The following CAPN1 variants were observed in gnomAD, a reference collection of about 807,000 sequenced individuals.
CAPN1 encodes the protein calpain-1 catalytic subunit.
In CAPN1, 77 loss-of-function variants were observed where a neutral mutation model predicts 105.2. That is an observed-to-expected ratio of 0.73 (90% CI 0.61 to 0.88). CAPN1 has a LOEUF of 0.88. CAPN1 is among the 40% of genes least tolerant of loss of function. The pLI, the probability that CAPN1 is intolerant of heterozygous loss-of-function variation, is 0.00. For missense variants in CAPN1, 833 were observed against 976.6 expected (o/e 0.85, Z 1.96); for synonymous variants, 355 against 388.8 (o/e 0.91, Z 1.02).
rs1455042373 is a variant in CAPN1, at chr11:65,183,486, T to C, written c.350T>C (p.Leu117Pro). ...CCTCCTGCCCCAGGGGACTGCTGGC[T>C]CTTGGCGGCCATCGCCTCCCTCACT... ...ICQGALGDCW[L>P]LAAIASLTLN... The change falls in exon 4 of 22, where the codon CTC (leucine) becomes CCC (proline). Residue 117 changes from leucine to proline, a missense_variant. Physicochemically the swap from Leu to Pro is moderately conservative, Grantham distance 98. Transcript: ENST00000279247. 6.2e-7 allele frequency: 1 copy of C among 1,613,282 alleles called. No individual in the cohort carries two copies. The highest frequency in any genetic ancestry group is 8.5e-7 in the Non-Finnish European group (1 of 1,179,300).
chr11:65,211,480 C>T lies in CAPN1; in HGVS notation c.*194C>T. Reference sequence around the variant, plus strand: ...CCGGGCAGAACTGTGTGGCCCCTGCCTGTGCCAGCCATGGGCTCGGGATGG... The same window carrying T: ...CCGGGCAGAACTGTGTGGCCCCTGCTTGTGCCAGCCATGGGCTCGGGATGG... On this transcript the variant is annotated 3_prime_UTR_variant, in exon 22 of 22. Transcript: ENST00000279247. 1 of 613,360 alleles carries T rather than the reference C, an allele frequency of 1.6e-6. No individual in the cohort carries two copies. The highest frequency in any genetic ancestry group is 2.9e-6 in the Non-Finnish European group (1 of 339,402). The allele number at this position is 613,360 out of a possible 1,614,324, so 38.0% of individuals were successfully genotyped here. A position where few individuals can be genotyped will look rare whatever the true frequency, so the allele number is the denominator to read the frequency against.
At position 65,188,696 on chromosome 11, in the gene CAPN1, A is replaced by C; in HGVS notation, c.1115A>C (p.Glu372Ala). The C allele has an allele frequency of 6.2e-7, 1 of 1,611,252 alleles. No individual in the cohort carries two copies. The highest frequency in any genetic ancestry group is 8.5e-7 in the Non-Finnish European group (1 of 1,178,706). Residue 372 changes from glutamate to alanine, a missense_variant, in exon 10 of 22, where the codon GAA becomes GCA. By Grantham distance (107) the Glu-to-Ala change is moderately radical (BLOSUM62 -1). Transcript: ENST00000279247. This position sits in a 1 kb window ranked among gnomAD's most constrained non-coding sequence, Gnocchi z 5.5. ...CGCAAATGGAACACCACACTCTACGAAGGCACCTGGCGGCGGGGGAGCACC... is the reference window on the plus strand; with the variant it reads ...CGCAAATGGAACACCACACTCTACGCAGGCACCTGGCGGCGGGGGAGCACC... ...TIRKWNTTLY[E>A]GTWRRGSTAG...
chr11:65,201,974 C>A (rs974522339), intron 10 of CAPN1, among the ~76,000 whole-genome samples: 1 of 151,966 alleles, frequency 6.6e-6, no homozygotes, highest in Non-Finnish European at 1.5e-5. Context: ...AGGTGCCCAC[C>A]ACCATGCCTG....
intron 12 of CAPN1, chr11:65,206,136 A>C (rs1187362798): frequency 1.9e-6 from 1 of 526,804 alleles, no homozygotes; most frequent in Non-Finnish European, 3.4e-6. Flanking sequence ...ACAGCAGAAC[A>C]GCAAATGAGG....
chr11:65,187,898 G>GAAAA, intron 7 of CAPN1, 57 bp from the exon 8 acceptor site: 4 of 1,076,078 alleles, frequency 3.7e-6, no homozygotes, highest in East Asian at 3.1e-5. Flanking sequence ...TCTCAAAAAA[G>GAAAA]AAAAAAAAAA....
rs749372995 is a variant in CAPN1, at chr11:65,210,916, G to A, written c.2118+44G>A. 15 of 1,519,912 alleles carry A rather than the reference G, an allele frequency of 9.9e-6. No individual in the cohort carries two copies. In the East Asian group the frequency reaches 2.0e-4, roughly 21 times the overall value. 94.2% of individuals were successfully genotyped at this position (1,519,912 alleles called of 1,614,324 possible). ...CCATGGTTGGGGAAGAGTTCCAGGCGATCGAATTTTCTTATCTGGCCAGTG... is the reference window on the plus strand; with the variant it reads ...CCATGGTTGGGGAAGAGTTCCAGGCAATCGAATTTTCTTATCTGGCCAGTG... On this transcript the variant is annotated intron_variant, in intron 21 of 21. Coordinates refer to ENST00000279247, the MANE Select transcript of CAPN1 (RefSeq NM_005186.4). This position sits in a 1 kb window ranked among gnomAD's most constrained non-coding sequence, Gnocchi z 4.3.
Position 65,210,194 on chromosome 11 carries a change from A to G in CAPN1, c.1942+98A>G, listed in dbSNP as rs1949024622. Reference sequence around the variant, plus strand: ...TTGTCCCTGGGGTGCTAGTGGTGACATGGTAACAGCCATCTTGTCCTTTTC... The same window carrying G: ...TTGTCCCTGGGGTGCTAGTGGTGACGTGGTAACAGCCATCTTGTCCTTTTC... On this transcript the variant is annotated intron_variant, in intron 19 of 21. Transcript: ENST00000279247. The surrounding 1 kb of genome is among the most constrained non-coding windows in gnomAD (Gnocchi z 4.3). The G allele has an allele frequency of 5.1e-6, 6 of 1,185,746 alleles. No individual in the cohort carries two copies. Among genetic ancestry groups the G allele is most frequent in the Non-Finnish European group, 7.5e-6 (6 of 797,620 alleles). 73.5% of individuals were successfully genotyped at this position (1,185,746 alleles called of 1,614,324 possible).
At position 65,183,107 on chromosome 11, in the gene CAPN1, AGGACTCTG is replaced by A; in HGVS notation, c.268-18_268-11del. 1 of 1,613,626 alleles carries A rather than the reference AGGACTCTG, an allele frequency of 6.2e-7. No individual in the cohort carries two copies. The highest frequency in any genetic ancestry group is 8.5e-7 in the Non-Finnish European group (1 of 1,179,582). ...TTCTGGGAGGGGCTGGCCGAGGAACAGGACTCTGGGTCTCTCGTAGGAACTGCTGTCAA... is the reference window on the plus strand; with the variant it reads ...TTCTGGGAGGGGCTGGCCGAGGAACAGGTCTCTCGTAGGAACTGCTGTCAA... On this transcript the variant is annotated splice_polypyrimidine_tract_variant and intron_variant, in intron 2 of 21. Transcript: ENST00000279247.
At position 65,182,851 on chromosome 11, in the gene CAPN1, G is replaced by T; in HGVS notation, c.150G>T (p.Leu50=). 1 of 1,600,518 alleles carries T rather than the reference G, an allele frequency of 6.2e-7. No individual in the cohort carries two copies. The highest frequency in any genetic ancestry group is 8.5e-7 in the Non-Finnish European group (1 of 1,173,920). ...ATGAGCAGCTGCGGGTGCGATGCCT[G>T]CAGAGTGGGACCCTCTTCCGTGATG... ...QDYEQLRVRC[L]QSGTLFRDEA... The change falls in exon 2 of 22, where the codon CTG becomes CTT. Residue 50 remains leucine (L), a synonymous_variant. Coordinates refer to ENST00000279247, the MANE Select transcript of CAPN1 (RefSeq NM_005186.4).
rs200317628 is a variant in CAPN1 at position 65,186,003 on chromosome 11, C to T, written c.543C>T (p.Ala181=). 1.7e-5 allele frequency: 27 copies of T among 1,609,170 alleles called. No homozygotes were observed. The highest frequency in any genetic ancestry group is 4.5e-5 in the East Asian group (2 of 44,694). The change falls in exon 5 of 22, where the codon GCC becomes GCT. Residue 181 remains alanine (A), a synonymous_variant. Transcript: ENST00000279247. ...KDGKLVFVHS[A]EGNEFWSALL... ...GGAAGCTAGTGTTCGTGCACTCTGCCGAAGGCAACGAGTTCTGGAGCGCCC... is the reference window on the plus strand; with the variant it reads ...GGAAGCTAGTGTTCGTGCACTCTGCTGAAGGCAACGAGTTCTGGAGCGCCC...
Position 65,206,462 on chromosome 11 carries a change from G to A in CAPN1, c.1354-1G>A. On this transcript the variant is annotated splice_acceptor_variant, in intron 12 of 21. Transcript: ENST00000279247. LOFTEE classifies it high-confidence loss of function. ...CCCTGCTCCCTCCTCCCTCCCACCA[G>A]CTGGTGGGCCAGCCGGCCGTACACT... 1 of 1,612,548 alleles carries A rather than the reference G, an allele frequency of 6.2e-7. No individual in the cohort carries two copies. The highest frequency in any genetic ancestry group is 8.5e-7 in the Non-Finnish European group (1 of 1,179,694).
intron 10 of CAPN1, among the ~76,000 whole-genome samples, chr11:65,195,553 T>G (rs1001035299): frequency 6.6e-6 from 1 of 152,238 alleles, no homozygotes; most frequent in Non-Finnish European, 1.5e-5. Flanking sequence ...TTTCCTTTGT[T>G]GAACTACCCT....
chr11:65,183,822 G>C (rs1948590498), intron 4 of CAPN1, among the ~76,000 whole-genome samples: 1 of 152,144 alleles, frequency 6.6e-6, no homozygotes. Context: ...GAAAGTGCTT[G>C]AAAGAACAGA....
chr11:65,206,045 C>A, intron 12 of CAPN1: 1 of 522,178 alleles, frequency 1.9e-6, no homozygotes, highest in Non-Finnish European at 3.4e-6. Flanking sequence ...AGGAGCAGGG[C>A]ATTAGACAGG....
intron 7 of CAPN1, chr11:65,187,731 A>T (rs1046078361): frequency 2.1e-5 from 10 of 480,278 alleles, no homozygotes; most frequent in South Asian, 2.1e-4. Flanking sequence ...TACTAAAAAT[A>T]CAAAAACTAC....
In CAPN1 at chr11:65,208,765, GC is replaced by G. The variant is rs1221578608; in HGVS notation, c.1729+504del. ...AGTGCACTCCAGCCTGGGCAACAGAGCAAGACCCTGTCTCAAAAAAAAAAGC... is the reference window on the plus strand; with the variant it reads ...AGTGCACTCCAGCCTGGGCAACAGAGAAGACCCTGTCTCAAAAAAAAAAGC... On this transcript the variant is annotated intron_variant, in intron 16 of 21. Transcript: ENST00000279247. The surrounding 1 kb of genome is among the most constrained non-coding windows in gnomAD (Gnocchi z 4.1). 3 of 232,212 alleles carry G rather than the reference GC, an allele frequency of 1.3e-5. No individual in the cohort carries two copies. Among genetic ancestry groups the G allele is most frequent in the African/African-American group, 2.3e-5 (1 of 44,294 alleles). The allele number at this position is 232,212 out of a possible 1,614,324, so 14.4% of individuals were successfully genotyped here. A position where few individuals can be genotyped will look rare whatever the true frequency, so the allele number is the denominator to read the frequency against.
Position 65,187,572 on chromosome 11 carries a change from G to T in CAPN1, c.843+274G>T, listed in dbSNP as rs1590850782. On this transcript the variant is annotated intron_variant, in intron 7 of 21. Coordinates refer to ENST00000279247, the MANE Select transcript of CAPN1 (RefSeq NM_005186.4). Reference sequence around the variant, plus strand: ...TGAGCAGGGCTTGGAGAGGATGAGGGTATGGGAGGCGGAGTGTTAAAGTGC... The same window carrying T: ...TGAGCAGGGCTTGGAGAGGATGAGGTTATGGGAGGCGGAGTGTTAAAGTGC... 7.4e-6 allele frequency: 4 copies of T among 538,416 alleles called. No individual in the cohort carries two copies. The East Asian group carries it at 1.3e-4, about 17-fold the overall frequency. 33.4% of individuals were successfully genotyped at this position (538,416 alleles called of 1,614,324 possible).
chr11:65,196,101 T>A (rs575061707), intron 10 of CAPN1, among the ~76,000 whole-genome samples: 1 of 152,200 alleles, frequency 6.6e-6, no homozygotes, highest in Non-Finnish European at 1.5e-5. Flanking sequence ...TTTAGTAATT[T>A]GAGTCCTCTG....
intron 2 of CAPN1, 79 bp from the exon 3 acceptor site, chr11:65,183,049 G>A: frequency 6.2e-7 from 1 of 1,608,182 alleles, no homozygotes; most frequent in Non-Finnish European, 8.5e-7. Context: ...TGTCCCTGGT[G>A]GGGAATGGGG....
Sources: gnomAD v4.1 joint callset for allele counts (sites outside exome capture counted in the v4.1 genomes callset) on GRCh38, gnomAD v4.1.1 for gene constraint, Gnocchi (gnomAD v3.1) non-coding constraint, MANE v1.5 for transcripts, NCBI Gene and HGNC (gene_info 2026-07-23, HGNC 2026-07-21) for gene names.